VPS37C: variants seen among roughly 807,000 people sequenced by gnomAD.
The protein encoded by VPS37C is VPS37C subunit of ESCRT-I.
Under a neutral mutation model 16.1 loss-of-function variants are expected in VPS37C, and 9 were observed. The observed-to-expected ratio is 0.56, with a 90% confidence interval of 0.34 to 0.97. The LOEUF is 0.97. Among genes scored for constraint, VPS37C ranks in the 50% least tolerant of loss-of-function variants. The pLI is 0.02. For missense variants in VPS37C, 479 were observed against 472.7 expected, an observed-to-expected ratio of 1.01 and a Z score of -0.12; for synonymous variants, 207 against 206.4, an observed-to-expected ratio of 1.00 and a Z score of -0.02.
chr11:61,150,040 C>CT (rs931737815), intron 1 of VPS37C, among the ~76,000 whole-genome samples: 9 of 152,142 alleles, frequency 5.9e-5, no homozygotes, highest in African/African-American at 2.2e-4. Flanking sequence ...AGTCCGTCCC[C>CT]TAAAGGGACT....
intron 3 of VPS37C, 78 bp from the exon 4 acceptor site, chr11:61,133,415 G>T: frequency 1.4e-6 from 2 of 1,436,718 alleles, no homozygotes; most frequent in East Asian, 2.4e-5. Context: ...CATACCCTCT[G>T]TGTGCATCCA....
intron 1 of VPS37C, among the ~76,000 whole-genome samples, chr11:61,147,528 C>T (rs959408255): frequency 6.6e-6 from 1 of 152,104 alleles, no homozygotes; most frequent in Middle Eastern, 3.4e-3. Context: ...CCTAGCAGAC[C>T]GGGGTGGAAG....
chr11:61,150,836 C>A (rs181841226), intron 1 of VPS37C, among the ~76,000 whole-genome samples: 1 of 152,234 alleles, frequency 6.6e-6, no homozygotes, highest in East Asian at 1.9e-4. Flanking sequence ...CAGGCCTTAC[C>A]GCCTCCTGCC....
intron 1 of VPS37C, among the ~76,000 whole-genome samples, chr11:61,158,667 C>T (rs1853417329): frequency 6.6e-6 from 1 of 152,182 alleles, no homozygotes; most frequent in East Asian, 1.9e-4. Flanking sequence ...AAGGTAGGGC[C>T]TACCTGCCTG....
chr11:61,131,863 T>C lies in VPS37C; in HGVS notation c.1025A>G (p.Tyr342Cys), dbSNP rs201768763. The change falls in exon 5 of 5, where the codon TAT (tyrosine) becomes TGT (cysteine). Residue 342 changes from tyrosine to cysteine, a missense_variant. Coordinates refer to ENST00000301765, the MANE Select transcript of VPS37C (RefSeq NM_017966.5). Reference sequence around the variant, plus strand: ...AGGCCCCGGCGGTGGTGGGAACCCATAGGGAGGGGCGGGCCCGGGGGGATA... The same window carrying C: ...AGGCCCCGGCGGTGGTGGGAACCCACAGGGAGGGGCGGGCCCGGGGGGATA... ...PPYPPGPAPPYGFPPPPGPAW... is the reference protein window; with the variant it reads ...PPYPPGPAPPCGFPPPPGPAW... 183 of 1,252,004 alleles carry C rather than the reference T, an allele frequency of 1.5e-4. 1 individual carries two copies. The highest frequency in any genetic ancestry group is 1.7e-4 in the Non-Finnish European group (171 of 995,494). 77.6% of individuals were successfully genotyped at this position (1,252,004 alleles called of 1,614,324 possible). A position where few individuals can be genotyped will look rare whatever the true frequency, so the allele number is the denominator to read the frequency against.
chr11:61,144,968 A>T (rs1737122124), intron 1 of VPS37C: 1 of 152,240 alleles, frequency 6.6e-6, no homozygotes, highest in South Asian at 2.1e-4. Context: ...AAATAGCTGG[A>T]GGCCAGATGT....
At chr11:61,152,153 G>T (rs1002639981) in intron 1 of VPS37C, among the ~76,000 whole-genome samples, 1 of 152,142 alleles carries the variant, frequency 6.6e-6, no homozygotes, top group African/African-American at 2.4e-5. Context: ...GTCATGCAAG[G>T]TGTGTCTGTT....
At chr11:61,151,237 C>A (rs1301529711) in intron 1 of VPS37C, among the ~76,000 whole-genome samples, 1 of 152,200 alleles carries the variant, frequency 6.6e-6, no homozygotes, top group Non-Finnish European at 1.5e-5. Context: ...TTCAACTAGA[C>A]CCCTGAAGAG....
chr11:61,160,267 G>C (rs1853449883), intron 1 of VPS37C, among the ~76,000 whole-genome samples: 1 of 152,184 alleles, frequency 6.6e-6, no homozygotes, highest in Non-Finnish European at 1.5e-5. Flanking sequence ...ACTCAGTTTA[G>C]CGTCCAGTAT....
Position 61,132,397 on chromosome 11 carries a change from TG to T in VPS37C, c.490del (p.Gln164ArgfsTer35). On this transcript the variant is annotated frameshift_variant, in exon 5 of 5. Transcript: ENST00000301765. LOFTEE classifies it low-confidence loss of function (END_TRUNC). ...QEVVRKPRAS[Q>X]ELAGDAPPPR... is the part of the protein sequence containing the mutation. ...TGGAGGGGCATCGCCGGCCAGCTCCTGGGAAGCCCTGGGCTTCCTCACCACT... is the reference window on the plus strand; with the variant it reads ...TGGAGGGGCATCGCCGGCCAGCTCCTGGAAGCCCTGGGCTTCCTCACCACT... 17 of 1,606,102 alleles carry T rather than the reference TG, an allele frequency of 1.1e-5. No homozygotes were observed. The highest frequency in any genetic ancestry group is 1.4e-5 in the Non-Finnish European group (17 of 1,176,330).
intron 1 of VPS37C, among the ~76,000 whole-genome samples, chr11:61,150,537 A>G (rs1329402195): frequency 7.4e-6 from 1 of 134,900 alleles, no homozygotes; most frequent in Non-Finnish European, 1.5e-5. Flanking sequence ...GTCACTTTCA[A>G]CCTTTTTCAA....
chr11:61,131,978 C>T lies in VPS37C; in HGVS notation c.910G>A (p.Ala304Thr), dbSNP rs1329819788. 4.6e-6 allele frequency: 6 copies of T among 1,311,726 alleles called. No individual in the cohort carries two copies. The highest frequency in any genetic ancestry group is 5.9e-6 in the Non-Finnish European group (6 of 1,023,894). 81.3% of individuals were successfully genotyped at this position (1,311,726 alleles called of 1,614,324 possible). The change falls in exon 5 of 5, where the codon GCA becomes ACA. Residue 304 changes from alanine (A) to threonine (T), a missense_variant. Coordinates refer to ENST00000301765, the MANE Select transcript of VPS37C (RefSeq NM_017966.5). ...GGGTAGGGAGGTTTTCCTCCTGTTG[C>T]GGGGTATGGGGACTGTTGAGGATAA... Reference protein sequence around the residue: ...PGYPQQSPYPATGGKPPYPIQ... With the variant: ...PGYPQQSPYPTTGGKPPYPIQ...
rs566622307 is a variant in VPS37C at position 61,148,695 on chromosome 11, G to A, written c.-6-9860C>T. ...CAGTGTAAACCATGGAGAGGAAGGCGTTTTTAGTTTTCATTTTTTTGCGTT... is the reference window on the plus strand; with the variant it reads ...CAGTGTAAACCATGGAGAGGAAGGCATTTTTAGTTTTCATTTTTTTGCGTT... On this transcript the variant is annotated intron_variant, in intron 1 of 4. Coordinates refer to ENST00000301765, the MANE Select transcript of VPS37C (RefSeq NM_017966.5). 2.1e-4 allele frequency among the ~76,000 whole-genome samples: 32 copies of A among 152,210 alleles called. No individual in the cohort carries two copies. In the East Asian group the frequency reaches 2.1e-3, roughly 10 times the overall value.
At chr11:61,150,035 G>A (rs149246534) in intron 1 of VPS37C, among the ~76,000 whole-genome samples, 58 of 152,148 alleles carry the variant, frequency 3.8e-4, no homozygotes, top group Non-Finnish European at 7.1e-4. Context: ...GACCCAGTCC[G>A]TCCCCTAAAG....
At chr11:61,159,094 C>CTAT (rs1218580277) in intron 1 of VPS37C, among the ~76,000 whole-genome samples, 1 of 152,236 alleles carries the variant, frequency 6.6e-6, no homozygotes, top group African/African-American at 2.4e-5. Context: ...AAAACCCCTA[C>CTAT]TATTACTGGC....
intron 4 of VPS37C, 144 bp downstream of exon 4, chr11:61,133,111 G>C (rs1217433626): frequency 6.7e-6 from 6 of 900,106 alleles, no homozygotes; most frequent in Non-Finnish European, 1.1e-5. Flanking sequence ...GGCCTCCCCA[G>C]GACTAAAGAT....
chr11:61,134,393 C>T (rs548233458), intron 2 of VPS37C, among the ~76,000 whole-genome samples, 186 bp from the exon 3 acceptor site: 1 of 152,318 alleles, frequency 6.6e-6, no homozygotes, highest in African/African-American at 2.4e-5. Context: ...GTACTCTGCG[C>T]CTCACTTAAT....
At position 61,131,668 on chromosome 11, in the gene VPS37C, C is replaced by A; in HGVS notation, c.*152G>T. On this transcript the variant is annotated 3_prime_UTR_variant, in exon 5 of 5. Transcript: ENST00000301765. Reference sequence around the variant, plus strand: ...AAGTGCCATGACCAGTCACACCGCCCAGTGCCTTGTCCCTCCAAGGCCTCT... The same window carrying A: ...AAGTGCCATGACCAGTCACACCGCCAAGTGCCTTGTCCCTCCAAGGCCTCT... 1 of 1,085,344 alleles carries A rather than the reference C, an allele frequency of 9.2e-7. No homozygotes were observed. The highest frequency in any genetic ancestry group is 1.2e-6 in the Non-Finnish European group (1 of 854,770). The allele number at this position is 1,085,344 out of a possible 1,614,324, so 67.2% of individuals were successfully genotyped here. A position where few individuals can be genotyped will look rare whatever the true frequency, so the allele number is the denominator to read the frequency against.
chr11:61,135,435 C>G (rs1861353081), intron 2 of VPS37C, among the ~76,000 whole-genome samples: 1 of 152,208 alleles, frequency 6.6e-6, no homozygotes, highest in African/African-American at 2.4e-5. Flanking sequence ...AGCCTAGAGC[C>G]CACGCTGCTG....
Sources: gnomAD v4.1 joint callset for allele counts (sites outside exome capture counted in the v4.1 genomes callset) on GRCh38, gnomAD v4.1.1 for gene constraint, MANE v1.5 for transcripts, NCBI Gene and HGNC (gene_info 2026-07-23, HGNC 2026-07-21) for gene names.